CRACD: variants seen among roughly 807,000 people sequenced by gnomAD.
CRACD encodes the protein capping protein inhibiting regulator of actin dynamics.
CRACD carries 56 observed loss-of-function variants against 106.8 expected under a neutral mutation model. The ratio of observed to expected loss-of-function variants is 0.52; its 90% CI spans 0.42 to 0.66. The LOEUF (loss-of-function observed/expected upper bound fraction) is 0.66, where lower values mean the gene tolerates loss of function less well. Ranked by LOEUF, CRACD falls within the 30% of genes least tolerant of loss-of-function variation. The probability of loss-of-function intolerance (pLI) is 0.00; values close to 1 mark genes in which losing one functional copy is unlikely to be tolerated. For synonymous variants in CRACD, 754 were observed against 670.8 expected, an observed-to-expected ratio of 1.12 and a Z score of -1.92; for missense variants, 1,730 against 1,623.2, an observed-to-expected ratio of 1.07 and a Z score of -1.13.
intron 2 of CRACD, among the ~76,000 whole-genome samples, chr4:56,253,288 C>T (rs564659643): frequency 2.6e-5 from 4 of 152,276 alleles, no homozygotes; most frequent in African/African-American, 9.6e-5. Flanking sequence ...AAATATAATG[C>T]ATATAATTAA....
At chr4:56,117,948 G>A (rs1185835265) in intron 1 of CRACD, among the ~76,000 whole-genome samples, 2 of 151,874 alleles carry the variant, frequency 1.3e-5, no homozygotes, top group Admixed American at 6.6e-5. Flanking sequence ...TAGTAGAGAC[G>A]GGGTTTCACC....
chr4:56,111,384 A>T (rs1280822342), intron 1 of CRACD, among the ~76,000 whole-genome samples: 1 of 152,196 alleles, frequency 6.6e-6, no homozygotes, highest in Non-Finnish European at 1.5e-5. Flanking sequence ...AGGAGGGCAC[A>T]GCTCTTTGTG....
intron 2 of CRACD, among the ~76,000 whole-genome samples, chr4:56,182,144 G>C (rs760037054): frequency 4.6e-5 from 7 of 152,108 alleles, no homozygotes; most frequent in African/African-American, 7.2e-5. Flanking sequence ...ACTTTGGGAG[G>C]CTGAGGCAGG....
At chr4:56,102,964 A>G (rs1160834109) in intron 1 of CRACD, among the ~76,000 whole-genome samples, 4 of 152,174 alleles carry the variant, frequency 2.6e-5, no homozygotes, top group Non-Finnish European at 4.4e-5. Context: ...CTTAGCACTC[A>G]TCACAGTTGC....
chr4:56,063,087 A>T (rs542527650), intron 1 of CRACD, among the ~76,000 whole-genome samples: 5 of 152,350 alleles, frequency 3.3e-5, no homozygotes, highest in African/African-American at 1.2e-4. Context: ...GAAGGAAGAG[A>T]AGAAGGAAAG....
chr4:56,252,653 T>A (rs139681002), intron 2 of CRACD, among the ~76,000 whole-genome samples: 2 of 152,188 alleles, frequency 1.3e-5, no homozygotes, highest in East Asian at 1.9e-4. Flanking sequence ...GAGTTTAGCA[T>A]GCAGGATATA....
chr4:56,314,693 G>C lies in CRACD; in HGVS notation c.1191G>C (p.Glu397Asp). 6.4e-7 allele frequency: 1 copy of C among 1,556,686 alleles called. No individual in the cohort carries two copies. Among genetic ancestry groups the C allele is most frequent in the Non-Finnish European group, 8.7e-7 (1 of 1,150,196 alleles). ...EETGEGRRGA[E>D]EEDLGEEEEE... is the part of the protein sequence containing the mutation. Reference sequence around the variant, plus strand: ...CTGGGGAGGGCCGGCGGGGCGCGGAGGAGGAGGATCTGGGGGAAGAGGAGG... The same window carrying C: ...CTGGGGAGGGCCGGCGGGGCGCGGACGAGGAGGATCTGGGGGAAGAGGAGG... Residue 397 changes from glutamate (E) to aspartate (D), a missense_variant, in exon 8 of 11, where the codon GAG becomes GAC. Transcript: ENST00000682029. This position sits in a 1 kb window ranked among gnomAD's most constrained non-coding sequence, Gnocchi z 4.4.
At chr4:56,176,222 A>G (rs1469496414) in intron 1 of CRACD, among the ~76,000 whole-genome samples, 1 of 152,140 alleles carries the variant, frequency 6.6e-6, no homozygotes, top group Non-Finnish European at 1.5e-5. Flanking sequence ...TGATGACTCC[A>G]GCTTTGTTCC....
chr4:56,177,945 T>C (rs1218237292), intron 1 of CRACD, among the ~76,000 whole-genome samples: 1 of 152,192 alleles, frequency 6.6e-6, no homozygotes, highest in Non-Finnish European at 1.5e-5. Context: ...TTTTATCTTT[T>C]AAAAAAGCCA....
rs538631104 is a variant in CRACD, at chr4:56,279,718, T to C, written c.-17+7226T>C. 4.2e-3 allele frequency among the ~76,000 whole-genome samples: 639 copies of C among 152,268 alleles called. 5 individuals carry two copies. The highest frequency in any genetic ancestry group is 0.014 in the African/African-American group (600 of 41,558). ...GTGGGACTGTAAACTAGTTCAACCATTGTGGAAGTCAGTGTGGCGATTCCT... is the reference window on the plus strand; with the variant it reads ...GTGGGACTGTAAACTAGTTCAACCACTGTGGAAGTCAGTGTGGCGATTCCT... On this transcript the variant is annotated intron_variant, in intron 3 of 10. Coordinates refer to ENST00000682029, the MANE Select transcript of CRACD (RefSeq NM_001393381.1).
chr4:56,245,381 G>A (rs894024074), intron 2 of CRACD, among the ~76,000 whole-genome samples: 1 of 152,138 alleles, frequency 6.6e-6, no homozygotes, highest in African/African-American at 2.4e-5. Flanking sequence ...CTCCCTGGCT[G>A]TGATACCTAT....
At chr4:56,287,585 T>C (rs960238692) in intron 3 of CRACD, among the ~76,000 whole-genome samples, 3 of 152,076 alleles carry the variant, frequency 2.0e-5, no homozygotes, top group Non-Finnish European at 4.4e-5. Context: ...CCGGCGAACC[T>C]GGCTAATTTT....
chr4:56,147,810 CCTGT>C (rs1348385822), intron 1 of CRACD, among the ~76,000 whole-genome samples: 5 of 152,160 alleles, frequency 3.3e-5, no homozygotes, highest in South Asian at 4.1e-4. Flanking sequence ...CTTGTTATTG[CCTGT>C]CTTTTTCATT....
At chr4:56,222,461 T>C (rs565583903) in intron 2 of CRACD, among the ~76,000 whole-genome samples, 259 of 152,180 alleles carry the variant, frequency 1.7e-3, no homozygotes, top group Non-Finnish European at 3.4e-3. Context: ...GGGTAAGAGG[T>C]GCACTGAAAT....
intron 6 of CRACD, among the ~76,000 whole-genome samples, chr4:56,312,160 C>T (rs546507728): frequency 2.0e-5 from 3 of 152,134 alleles, no homozygotes; most frequent in East Asian, 1.9e-4. Context: ...AGCGATTGTA[C>T]CAAAACTTTT....
chr4:56,121,796 A>G lies in CRACD; in HGVS notation c.-335-57488A>G, dbSNP rs1434584676. Among the ~76,000 whole-genome samples the G allele has an allele frequency of 3.9e-5, 6 of 152,358 alleles. No homozygotes were observed. In the East Asian group the frequency reaches 9.6e-4, roughly 24 times the overall value. ...GCATTCTGCAAACTAACTTATCTGT[A>G]GAATAAATGTTTATTAGAGATATAA... On this transcript the variant is annotated intron_variant, in intron 1 of 10. Coordinates refer to ENST00000682029, the MANE Select transcript of CRACD (RefSeq NM_001393381.1).
intron 2 of CRACD, among the ~76,000 whole-genome samples, chr4:56,266,716 A>G (rs1270898540): frequency 2.0e-5 from 3 of 152,222 alleles, no homozygotes; most frequent in Admixed American, 6.5e-5. Flanking sequence ...GCTGCTACTG[A>G]TGACCATGTA....
At chr4:56,285,947 A>G (rs751690111) in intron 3 of CRACD, among the ~76,000 whole-genome samples, 1 of 152,056 alleles carries the variant, frequency 6.6e-6, no homozygotes, top group Non-Finnish European at 1.5e-5. Context: ...TAATCCCTAC[A>G]CTACACAACC....
intron 1 of CRACD, among the ~76,000 whole-genome samples, chr4:56,118,491 G>A (rs1433657102): frequency 1.3e-5 from 2 of 152,210 alleles, no homozygotes; most frequent in Non-Finnish European, 2.9e-5. Flanking sequence ...AACTACAGGA[G>A]CTTTGAGGAC....
Sources: allele counts gnomAD v4.1 joint callset (sites outside exome capture counted in the v4.1 genomes callset), GRCh38; gene constraint gnomAD v4.1.1; non-coding constraint Gnocchi (gnomAD v3.1); transcripts MANE v1.5; gene names NCBI Gene and HGNC (gene_info 2026-07-23, HGNC 2026-07-21).